MAST4: variants seen among roughly 807,000 people sequenced by gnomAD.
MAST4 encodes the protein microtubule-associated serine/threonine-protein kinase 4.
Under a neutral mutation model 162.7 loss-of-function variants are expected in MAST4, and 89 were observed. That is an observed-to-expected ratio of 0.55 (90% confidence interval 0.46 to 0.65). The LOEUF (loss-of-function observed/expected upper bound fraction) is 0.65, where lower values mean the gene tolerates loss of function less well. MAST4 is among the 30% of genes least tolerant of loss of function. The probability of loss-of-function intolerance (pLI) is 0.00; values close to 1 mark genes in which losing one functional copy is unlikely to be tolerated. For missense variants in MAST4, 3,153 were observed against 3,374.0 expected, an observed-to-expected ratio of 0.93 and a Z score of 1.62; for synonymous variants, 1,479 against 1,361.1, an observed-to-expected ratio of 1.09 and a Z score of -1.91.
intron 1 of MAST4, among the ~76,000 whole-genome samples, chr5:66,604,653 C>T (rs528150761): frequency 4.1e-4 from 62 of 152,344 alleles, no homozygotes; most frequent in African/African-American, 1.4e-3. Context: ...TGCCTTAGAA[C>T]TTGGCTAGCT....
chr5:66,750,979 TCCCTGAC>T (rs1363202832), intron 1 of MAST4, among the ~76,000 whole-genome samples: 1 of 152,120 alleles, frequency 6.6e-6, no homozygotes, highest in African/African-American at 2.4e-5. Context: ...CTCAAGTGGG[TCCCTGAC>T]CCCTGACCCC....
intron 3 of MAST4, among the ~76,000 whole-genome samples, chr5:66,857,528 C>G: frequency 6.6e-6 from 1 of 152,218 alleles, no homozygotes; most frequent in East Asian, 1.9e-4. Context: ...ACCAGCAGAT[C>G]TGTTTTCTTT....
chr5:66,892,561 A>T (rs1762428668), intron 3 of MAST4, among the ~76,000 whole-genome samples: 1 of 152,308 alleles, frequency 6.6e-6, no homozygotes, highest in Admixed American at 6.5e-5. Flanking sequence ...CAGAACTTCA[A>T]GTGAATTGCT....
In MAST4 at chr5:67,124,876, A is replaced by G. The variant is rs543190389; in HGVS notation, c.1745+3774A>G. ...GAGACCCAGTGAGGATGCTGGTCAT[A>G]TTGGGCCGGAGGCATCTTTGTCTTT... On this transcript the variant is annotated intron_variant, in intron 14 of 28. Transcript: ENST00000403625. Among the ~76,000 whole-genome samples, 19 of 152,278 alleles carry G rather than the reference A, an allele frequency of 1.2e-4. No individual in the cohort carries two copies. The South Asian group carries it at 1.5e-3, about 12-fold the overall frequency.
intron 5 of MAST4, among the ~76,000 whole-genome samples, chr5:67,078,911 AATATATATATATATATATATAT>A (rs750951069): frequency 2.4e-4 from 9 of 38,104 alleles, no homozygotes; most frequent in African/African-American, 9.9e-4. Context: ...TTTTTATATA[AATATATATATATATATATATAT>A]ATATATATAT....
intron 4 of MAST4, among the ~76,000 whole-genome samples, chr5:66,954,279 A>G (rs1745035248): frequency 6.6e-6 from 1 of 152,150 alleles, no homozygotes; most frequent in South Asian, 2.1e-4. Context: ...CTGGGTCTTC[A>G]TGTGGTATCT....
At chr5:67,078,911 A>ATAT (rs1762154054) in intron 5 of MAST4, among the ~76,000 whole-genome samples, 2 of 38,098 alleles carry the variant, frequency 5.2e-5, no homozygotes, top group African/African-American at 1.2e-4. Flanking sequence ...TTTTTATATA[A>ATAT]ATATATATAT....
At chr5:66,604,871 G>A (rs370922417) in intron 1 of MAST4, among the ~76,000 whole-genome samples, 3 of 152,320 alleles carry the variant, frequency 2.0e-5, no homozygotes, top group East Asian at 3.9e-4. Context: ...AAGTCAAATT[G>A]GGTTAAAATT....
At chr5:66,903,362 A>G (rs1238453416) in intron 4 of MAST4, among the ~76,000 whole-genome samples, 1 of 150,394 alleles carries the variant, frequency 6.6e-6, no homozygotes, top group Non-Finnish European at 1.5e-5. Context: ...TAGGATTCAA[A>G]TTGCTTTAAC....
intron 1 of MAST4, among the ~76,000 whole-genome samples, chr5:66,727,209 C>T (rs1751577463): frequency 6.6e-6 from 1 of 152,178 alleles, no homozygotes; most frequent in Non-Finnish European, 1.5e-5. Context: ...TACCAACACA[C>T]ACATAACTAA....
chr5:66,981,569 A>G (rs1170262190), intron 4 of MAST4, among the ~76,000 whole-genome samples: 5 of 152,234 alleles, frequency 3.3e-5, no homozygotes, highest in Non-Finnish European at 7.3e-5. Context: ...GCAGAGTTGC[A>G]TTGAATTTAT....
chr5:67,049,821 G>T (rs907289470), intron 4 of MAST4, among the ~76,000 whole-genome samples: 12 of 152,296 alleles, frequency 7.9e-5, no homozygotes, highest in Admixed American at 6.5e-4. Context: ...CAAAGTGAAT[G>T]TAATTTAAAA....
chr5:66,706,811 ATTGT>A (rs1011754562), intron 1 of MAST4, among the ~76,000 whole-genome samples: 1 of 152,186 alleles, frequency 6.6e-6, no homozygotes, highest in African/African-American at 2.4e-5. Context: ...AGAATTACTC[ATTGT>A]TTATTAAATA....
At chr5:66,733,236 C>G (rs897555768) in intron 1 of MAST4, among the ~76,000 whole-genome samples, 8 of 152,198 alleles carry the variant, frequency 5.3e-5, no homozygotes, top group African/African-American at 1.9e-4. Flanking sequence ...CCTGTCTCCT[C>G]CCTCCAACTC....
chr5:67,091,807 A>AC lies in MAST4; in HGVS notation c.833+1583dup, dbSNP rs201963588. On this transcript the variant is annotated intron_variant, in intron 6 of 28. Transcript: ENST00000403625. Reference sequence around the variant, plus strand: ...TTCCATGCTATTAAAAAAATACATAACCCCCCCAGGCATGTTAATTTTTGA... The same window carrying AC: ...TTCCATGCTATTAAAAAAATACATAACCCCCCCCAGGCATGTTAATTTTTGA... Among the ~76,000 whole-genome samples, 1,169 of 151,654 alleles carry AC rather than the reference A, an allele frequency of 7.7e-3. 15 individuals are homozygous for AC. Among genetic ancestry groups the AC allele is most frequent in the African/African-American group, 0.027 (1,104 of 41,306 alleles).
intron 3 of MAST4, among the ~76,000 whole-genome samples, chr5:66,827,186 A>G (rs1227147573): frequency 2.0e-5 from 3 of 152,206 alleles, no homozygotes; most frequent in Non-Finnish European, 4.4e-5. Flanking sequence ...TTTTTTAAAA[A>G]TTCATTTGTG....
intron 1 of MAST4, among the ~76,000 whole-genome samples, chr5:66,757,458 T>A (rs1287489367): frequency 6.6e-6 from 1 of 152,238 alleles, no homozygotes; most frequent in Non-Finnish European, 1.5e-5. Flanking sequence ...GATGTAAAAG[T>A]AAATTTTTTA....
chr5:66,697,047 T>G (rs1304832648), intron 1 of MAST4, among the ~76,000 whole-genome samples: 3 of 152,234 alleles, frequency 2.0e-5, no homozygotes, highest in Admixed American at 6.5e-5. Context: ...GAAGCACTTG[T>G]GCGATCGGTG....
At chr5:66,896,659 C>T (rs1235977749) in intron 3 of MAST4, among the ~76,000 whole-genome samples, 1 of 152,218 alleles carries the variant, frequency 6.6e-6, no homozygotes, top group African/African-American at 2.4e-5. Context: ...CTATGAATAG[C>T]TGTTAAATAC....
Sources: gnomAD v4.1 joint callset for allele counts (sites outside exome capture counted in the v4.1 genomes callset) on GRCh38, gnomAD v4.1.1 for gene constraint, MANE v1.5 for transcripts, NCBI Gene and HGNC (gene_info 2026-07-23, HGNC 2026-07-21) for gene names.